Variants in SRGAP3 observed in about 807,000 individuals in gnomAD.
SRGAP3 encodes SLIT-ROBO Rho GTPase-activating protein 3.
A neutral mutation model predicts 121.1 loss-of-function variants in SRGAP3; 39 were observed. That is an observed-to-expected ratio of 0.32 (90% confidence interval 0.25 to 0.42). The LOEUF (loss-of-function observed/expected upper bound fraction) is 0.42, where lower values mean the gene tolerates loss of function less well. SRGAP3 is among the 10% of genes least tolerant of loss of function. The pLI, the probability that SRGAP3 is intolerant of heterozygous loss-of-function variation, is 1.00. For synonymous variants in SRGAP3, 601 were observed against 570.0 expected, an observed-to-expected ratio of 1.05 and a Z score of -0.77; for missense variants, 1,213 against 1,470.6, an observed-to-expected ratio of 0.82 and a Z score of 2.86.
In SRGAP3 at chr3:8,983,900, C is replaced by T. The variant is rs538071998; in HGVS notation, c.*1619G>A. On this transcript the variant is annotated 3_prime_UTR_variant, in exon 22 of 22. Coordinates refer to ENST00000383836, the MANE Select transcript of SRGAP3 (RefSeq NM_014850.4). ...TTTTGACTCCAAACTTCAGTGGCCT[C>T]GAGAGAGAGGAAGCGTGGGAACAGT... The T allele has an allele frequency of 8.7e-6, 2 of 229,292 alleles. No homozygotes were observed. The highest frequency in any genetic ancestry group is 1.8e-4 in the South Asian group (1 of 5,484). The allele number at this position is 229,292 out of a possible 1,614,324, so 14.2% of individuals were successfully genotyped here.
At chr3:9,025,173 T>G (rs1944124959) in intron 14 of SRGAP3, 88 bp downstream of exon 14, 1 of 1,431,366 alleles carries the variant, frequency 7.0e-7, no homozygotes, top group Admixed American at 1.7e-5. Flanking sequence ...GCAGGCTGGC[T>G]TCTGCACACC....
chr3:9,162,411 A>G (rs544727063), intron 1 of SRGAP3, among the ~76,000 whole-genome samples: 2 of 152,284 alleles, frequency 1.3e-5, no homozygotes, highest in East Asian at 3.9e-4. Flanking sequence ...CCTCCCCCCA[A>G]GATAACTGCA....
chr3:9,356,270 C>G (rs1195451917), intron 1 of SRGAP3, among the ~76,000 whole-genome samples: 1 of 147,286 alleles, frequency 6.8e-6, no homozygotes, highest in East Asian at 2.0e-4. Context: ...TGGCTCACTG[C>G]AACCTCCACC....
Position 9,060,348 on chromosome 3 carries a change from C to T in SRGAP3, c.684G>A (p.Lys228=), listed in dbSNP as rs764581867. ...TGCATTTCAGCTTGTTCTCAGAGTA[C>T]TTGGCCTGCCTCTGGAAGAAGAAAA... ...IEKMKEKRQA[K]YSENKLKCTK... Residue 228 remains lysine (K), a synonymous_variant, in exon 6 of 22, where the codon AAG becomes AAA. Transcript: ENST00000383836. 55 of 1,613,384 alleles carry T rather than the reference C, an allele frequency of 3.4e-5. No homozygotes were observed. Among genetic ancestry groups the T allele is most frequent in the Non-Finnish European group, 2.7e-5 (32 of 1,179,742 alleles).
chr3:9,102,974 G>A (rs1475085256), intron 3 of SRGAP3, among the ~76,000 whole-genome samples: 1 of 152,166 alleles, frequency 6.6e-6, no homozygotes, highest in East Asian at 1.9e-4. Context: ...ACTTGCAGAC[G>A]TCTGGATCAC....
chr3:9,248,682 C>T (rs952294160), intron 1 of SRGAP3, among the ~76,000 whole-genome samples: 1 of 152,128 alleles, frequency 6.6e-6, no homozygotes, highest in African/African-American at 2.4e-5. Flanking sequence ...TTCCATAATC[C>T]ACACTCCCAG....
intron 3 of SRGAP3, among the ~76,000 whole-genome samples, chr3:9,085,276 A>C (rs1322026341): frequency 6.6e-6 from 1 of 152,214 alleles, no homozygotes; most frequent in East Asian, 1.9e-4. Flanking sequence ...ATTGTGGGGC[A>C]GAGAGGTCAG....
chr3:9,136,406 C>CCG (rs1392300866), intron 1 of SRGAP3, among the ~76,000 whole-genome samples: 1 of 150,364 alleles, frequency 6.7e-6, no homozygotes, highest in Non-Finnish European at 1.5e-5. Flanking sequence ...CCCCCCCCCC[C>CCG]CCGACCGCCC....
intron 1 of SRGAP3, among the ~76,000 whole-genome samples, chr3:9,361,068 T>A (rs1182227903): frequency 2.0e-5 from 3 of 152,212 alleles, no homozygotes; most frequent in African/African-American, 7.2e-5. Context: ...CATTTGTCCA[T>A]CTTTTGGAGA....
chr3:9,057,903 T>G (rs1945905818), intron 7 of SRGAP3, among the ~76,000 whole-genome samples: 1 of 152,178 alleles, frequency 6.6e-6, no homozygotes, highest in African/African-American at 2.4e-5. Flanking sequence ...CCTGAATGGC[T>G]GTGTTGAGGC....
chr3:9,306,005 A>T (rs922368441), intron 3 of SRGAP3, among the ~76,000 whole-genome samples: 1 of 152,206 alleles, frequency 6.6e-6, no homozygotes, highest in African/African-American at 2.4e-5. Context: ...ACAATGGTTG[A>T]ACTAATTTAC....
At chr3:9,028,086 T>C in intron 12 of SRGAP3, 1 of 1,614,132 alleles carries the variant, frequency 6.2e-7, no homozygotes, top group Admixed American at 1.7e-5. Flanking sequence ...CTAATGGGCC[T>C]TTCTAGTAAA....
chr3:9,332,486 T>C (rs10510398), intron 1 of SRGAP3, among the ~76,000 whole-genome samples: 28,439 of 151,900 alleles, frequency 0.19, 3,329 homozygotes, highest in Middle Eastern at 0.27. Flanking sequence ...GGTCAGAGAG[T>C]GATTATAGGT....
At chr3:9,051,478 A>G (rs1452834182) in intron 9 of SRGAP3, among the ~76,000 whole-genome samples, 1 of 152,196 alleles carries the variant, frequency 6.6e-6, no homozygotes, top group Admixed American at 6.5e-5. Context: ...GACTAAAACC[A>G]TGAATTGAAT....
intron 1 of SRGAP3, among the ~76,000 whole-genome samples, chr3:9,237,136 A>G (rs889773327): frequency 1.1e-4 from 17 of 152,148 alleles, no homozygotes; most frequent in Admixed American, 5.9e-4. Flanking sequence ...TTCAGTATGC[A>G]CCCCAAAACG....
rs1042390064 is a variant in SRGAP3 at position 9,299,102 on chromosome 3, C to A, written n.442+26908G>T. ...AGATGGCTGGGCATGGTGGCTCACACCTGTAATCACAGCACTTTGGGAGGC... is the reference window on the plus strand; with the variant it reads ...AGATGGCTGGGCATGGTGGCTCACAACTGTAATCACAGCACTTTGGGAGGC... On this transcript the variant is annotated intron_variant and non_coding_transcript_variant, in intron 3 of 3. Coordinates refer to the SRGAP3 transcript ENST00000490889. 2.7e-5 allele frequency among the ~76,000 whole-genome samples: 4 copies of A among 147,494 alleles called. No individual in the cohort carries two copies. The Admixed American group carries it at 2.7e-4, about 10-fold the overall frequency.
intron 3 of SRGAP3, among the ~76,000 whole-genome samples, chr3:9,086,380 G>A (rs1239466220): frequency 2.0e-5 from 3 of 151,948 alleles, no homozygotes; most frequent in Non-Finnish European, 4.4e-5. Flanking sequence ...CAAAAAATTA[G>A]CCAAGTGTGG....
At chr3:9,263,715 T>C (rs544709569) in intron 3 of SRGAP3, among the ~76,000 whole-genome samples, 1 of 152,272 alleles carries the variant, frequency 6.6e-6, no homozygotes, top group East Asian at 1.9e-4. Context: ...AGTTCTGAAA[T>C]TGAAGCATAA....
At chr3:9,079,564 G>A (rs193245671) in intron 4 of SRGAP3, among the ~76,000 whole-genome samples, 82 of 152,252 alleles carry the variant, frequency 5.4e-4, no homozygotes, top group African/African-American at 1.7e-3. Context: ...CGTGATCCTC[G>A]GAACCGTGCT....
Sources: allele counts gnomAD v4.1 joint callset (sites outside exome capture counted in the v4.1 genomes callset), GRCh38; gene constraint gnomAD v4.1.1; transcripts MANE v1.5; gene names NCBI Gene and HGNC (gene_info 2026-07-23, HGNC 2026-07-21).